The following URI1 variants were observed in gnomAD, a reference collection of about 807,000 sequenced individuals.
The protein encoded by URI1 is unconventional prefoldin RPB5 interactor 1.
A neutral mutation model predicts 60.2 loss-of-function variants in URI1; 39 were observed. That is an observed-to-expected ratio of 0.65 (90% CI 0.50 to 0.85). The LOEUF (loss-of-function observed/expected upper bound fraction) is 0.85. Among genes scored for constraint, URI1 ranks in the 40% least tolerant of loss-of-function variants. The pLI is 0.00. For synonymous variants in URI1, 251 were observed against 236.8 expected (o/e 1.06, Z -0.55); for missense variants, 691 against 665.9 (o/e 1.04, Z -0.42).
chr19:29,956,790 G>C lies in URI1; in HGVS notation c.117+14126G>C, dbSNP rs2055253913. The stretch of plus-strand genomic sequence containing the variant: ...CTACAAATAGTCCGAACGGTAGCCA[G>C]TTCCTTTCTGTTACCCGACCATTTG... On this transcript the variant is annotated intron_variant, in intron 1 of 10. Transcript: ENST00000392271. 3.1e-6 allele frequency: 5 copies of C among 1,599,696 alleles called. 1 individual carries two copies. In the South Asian group the frequency reaches 4.4e-5, roughly 14 times the overall value.
intron 2 of URI1, among the ~76,000 whole-genome samples, chr19:29,973,588 A>G (rs1172579544): frequency 1.3e-5 from 2 of 152,150 alleles, no homozygotes; most frequent in Non-Finnish European, 2.9e-5. Context: ...TATGTATTCT[A>G]GGCTCAGAAA....
Position 30,001,631 on chromosome 19 carries a change from C to G in URI1, c.368-3730C>G, listed in dbSNP as rs1007126516. 1.2e-4 allele frequency among the ~76,000 whole-genome samples: 18 copies of G among 151,870 alleles called. 1 individual carries two copies. The highest frequency in any genetic ancestry group is 1.1e-3 in the Admixed American group (17 of 15,216). On this transcript the variant is annotated intron_variant, in intron 4 of 10. Transcript: ENST00000392271. ...TCTAGATCTTTGGTTAAAGTTCACT[C>G]TTCTTTTGGAAATACTCTCAAGTGA...
intron 2 of URI1, among the ~76,000 whole-genome samples, chr19:29,983,887 G>A (rs921506394): frequency 1.3e-5 from 2 of 152,156 alleles, no homozygotes; most frequent in Admixed American, 6.5e-5. Context: ...TGGTAGCTCT[G>A]TTTGATGTAA....
chr19:29,980,784 C>T (rs2055586140), intron 2 of URI1, among the ~76,000 whole-genome samples: 2 of 151,262 alleles, frequency 1.3e-5, no homozygotes, highest in Middle Eastern at 3.4e-3. Flanking sequence ...TAGCCGGGTG[C>T]GGTGGCGCGT....
chr19:29,970,390 G>A lies in URI1; in HGVS notation c.118-803G>A, dbSNP rs191111315. Reference sequence around the variant, plus strand: ...TAGGTAATTTAAAAGTAGATAATTAGCAATCCTTGAAAACAGTGTTAATTC... The same window carrying A: ...TAGGTAATTTAAAAGTAGATAATTAACAATCCTTGAAAACAGTGTTAATTC... On this transcript the variant is annotated intron_variant, in intron 1 of 10. Transcript: ENST00000392271. Among the ~76,000 whole-genome samples the A allele has an allele frequency of 1.0e-3, 157 of 151,838 alleles. 3 individuals are homozygous for A. The highest frequency in any genetic ancestry group is 3.7e-3 in the African/African-American group (155 of 41,428).
At position 30,015,420 on chromosome 19, in the gene URI1, G is replaced by T; in HGVS notation, c.*351G>T. 7 of 1,477,998 alleles carry T rather than the reference G, an allele frequency of 4.7e-6. No homozygotes were observed. Among genetic ancestry groups the T allele is most frequent in the Non-Finnish European group, 5.3e-6 (6 of 1,123,868 alleles). The allele number at this position is 1,477,998 out of a possible 1,614,324, so 91.6% of individuals were successfully genotyped here. A position where few individuals can be genotyped will look rare whatever the true frequency, so the allele number is the denominator to read the frequency against. On this transcript the variant is annotated 3_prime_UTR_variant, in exon 11 of 11. Coordinates refer to ENST00000392271, the MANE Select transcript of URI1 (RefSeq NM_003796.3). ...GCAGTTTTGTGCCAGCTGTGATATT[G>T]TGCATACCATATGGACCATTTTAAA...
At chr19:30,007,099 G>A (rs1321389184) in intron 6 of URI1, among the ~76,000 whole-genome samples, 1 of 151,958 alleles carries the variant, frequency 6.6e-6, no homozygotes, top group African/African-American at 2.4e-5. Flanking sequence ...GTTGCATTTC[G>A]CCTTATAACC....
At chr19:29,969,146 A>G (rs1234718776) in intron 1 of URI1, among the ~76,000 whole-genome samples, 1 of 152,192 alleles carries the variant, frequency 6.6e-6, no homozygotes, top group Non-Finnish European at 1.5e-5. Flanking sequence ...AGTCTCTGAT[A>G]TTCTACACAC....
intron 2 of URI1, among the ~76,000 whole-genome samples, chr19:29,975,156 A>G (rs550070573): frequency 4.6e-5 from 7 of 152,202 alleles, no homozygotes; most frequent in Non-Finnish European, 7.4e-5. Flanking sequence ...AAATCTCCAA[A>G]CTGCTGTCCA....
At position 29,984,206 on chromosome 19, in the gene URI1, G is replaced by A. The variant is rs564132911; in HGVS notation, c.153-1017G>A. Among the ~76,000 whole-genome samples, 566 of 152,130 alleles carry A rather than the reference G, an allele frequency of 3.7e-3. 3 individuals are homozygous for A. The highest frequency in any genetic ancestry group is 0.013 in the African/African-American group (531 of 41,512). On this transcript the variant is annotated intron_variant, in intron 2 of 10. Transcript: ENST00000392271. ...TTTGGGAGGCTGCGGTGGGGGGATC[G>A]CTTGAAGCCAGGAGTTCGAGACCAG...
upstream of URI1, chr19:29,937,564 C>T (rs372488852): frequency 6.6e-6 from 1 of 152,324 alleles, no homozygotes. Context: ...TGTTTAGAGA[C>T]TTTTCCAAAC....
intron 1 of URI1, among the ~76,000 whole-genome samples, chr19:29,927,902 G>A (rs2054883712): frequency 6.6e-6 from 1 of 151,730 alleles, no homozygotes; most frequent in African/African-American, 2.4e-5. Flanking sequence ...AATGTGAGCT[G>A]GCCTTAGTGA....
At chr19:29,962,203 G>A (rs1374486786) in intron 1 of URI1, among the ~76,000 whole-genome samples, 1 of 151,506 alleles carries the variant, frequency 6.6e-6, no homozygotes, top group East Asian at 1.9e-4. Flanking sequence ...CATTACTGGA[G>A]TGTCAAATGG....
chr19:30,009,695 A>T (rs2055993840), intron 8 of URI1, among the ~76,000 whole-genome samples: 1 of 152,160 alleles, frequency 6.6e-6, no homozygotes. Flanking sequence ...TGTGCTTAGG[A>T]TGTTGAAAGT....
intron 1 of URI1, among the ~76,000 whole-genome samples, chr19:29,953,037 C>T (rs2055198852): frequency 6.6e-6 from 1 of 151,958 alleles, no homozygotes; most frequent in African/African-American, 2.4e-5. Flanking sequence ...GTCATTGATC[C>T]GTTTTGAGTT....
chr19:29,986,545 G>C lies in URI1; in HGVS notation c.367+128G>C. ...ATGAATCCAGGCTGTTTGTGATTCT[G>C]TTGAATTGTAGGTAGTTTGAGTAGA... On this transcript the variant is annotated intron_variant, in intron 4 of 10. Coordinates refer to ENST00000392271, the MANE Select transcript of URI1 (RefSeq NM_003796.3). 4 of 1,208,954 alleles carry C rather than the reference G, an allele frequency of 3.3e-6. No individual in the cohort carries two copies. In the South Asian group the frequency reaches 4.6e-5, roughly 14 times the overall value. The allele number at this position is 1,208,954 out of a possible 1,614,324, so 74.9% of individuals were successfully genotyped here.
At chr19:29,993,964 T>C (rs1432921560) in intron 4 of URI1, among the ~76,000 whole-genome samples, 1 of 152,204 alleles carries the variant, frequency 6.6e-6, no homozygotes, top group Admixed American at 6.5e-5. Flanking sequence ...AGTATTATAT[T>C]GTACTCTATT....
Position 29,927,001 on chromosome 19 carries a change from C to T in URI1, c.63+3247C>T, listed in dbSNP as rs531254884. Among the ~76,000 whole-genome samples, 5 of 152,246 alleles carry T rather than the reference C, an allele frequency of 3.3e-5. No individual in the cohort carries two copies. In the East Asian group the frequency reaches 9.7e-4, roughly 30 times the overall value. On this transcript the variant is annotated intron_variant, in intron 1 of 10. Transcript: ENST00000360605. The stretch of plus-strand genomic sequence containing the variant: ...AGACACAAAGACCAGCTTGTGGGGG[C>T]CGTGGACTCCACTCTCTGGGCTCGA...
intron 1 of URI1, among the ~76,000 whole-genome samples, chr19:29,968,560 TTTTTC>T (rs2055417744): frequency 7.9e-6 from 1 of 126,902 alleles, no homozygotes; most frequent in African/African-American, 3.1e-5. Context: ...ATTTACTAAT[TTTTTC>T]TTTTTTTTTT....
Sources: allele counts gnomAD v4.1 joint callset (sites outside exome capture counted in the v4.1 genomes callset), GRCh38; gene constraint gnomAD v4.1.1; transcripts MANE v1.5; gene names NCBI Gene and HGNC (gene_info 2026-07-23, HGNC 2026-07-21).